ALMS1: variants seen among roughly 807,000 people sequenced by gnomAD.
ALMS1 encodes the protein centrosome-associated protein ALMS1.
A neutral mutation model predicts 352.2 loss-of-function variants in ALMS1; 271 were observed. That is an observed-to-expected ratio of 0.77 (90% CI 0.70 to 0.85). The LOEUF (loss-of-function observed/expected upper bound fraction) is 0.85, where lower values mean the gene tolerates loss of function less well. Ranked by LOEUF, ALMS1 falls within the 40% of genes least tolerant of loss-of-function variation. ALMS1 has a pLI of 0.00. For missense variants in ALMS1, 5,445 were observed against 4,870.7 expected, an observed-to-expected ratio of 1.12 and a Z score of -3.51; for synonymous variants, 1,865 against 1,761.2, an observed-to-expected ratio of 1.06 and a Z score of -1.48.
At chr2:73,479,571 T>C (rs1207744244) in intron 9 of ALMS1, among the ~76,000 whole-genome samples, 1 of 152,202 alleles carries the variant, frequency 6.6e-6, no homozygotes, top group Non-Finnish European at 1.5e-5. Context: ...TCTTTTTTAT[T>C]GATGTATAGT....
At chr2:73,528,662 T>G (rs1158724742) in intron 11 of ALMS1, among the ~76,000 whole-genome samples, 5 of 150,172 alleles carry the variant, frequency 3.3e-5, no homozygotes, top group Non-Finnish European at 7.4e-5. Context: ...TTGGGTCTTG[T>G]TTTTTTTTGC....
chr2:73,458,564 G>C (rs1161222070), intron 9 of ALMS1: 1 of 152,198 alleles, frequency 6.6e-6, no homozygotes, highest in Non-Finnish European at 1.5e-5. Context: ...ATAAGAGCCA[G>C]GGAGACAAAG....
intron 10 of ALMS1, among the ~76,000 whole-genome samples, chr2:73,500,671 G>A (rs1673200705): frequency 6.6e-6 from 1 of 152,076 alleles, no homozygotes; most frequent in African/African-American, 2.4e-5. Flanking sequence ...AGAAGGCTTC[G>A]CTGTGAAGTC....
chr2:73,422,790 T>C, intron 3 of ALMS1, 67 bp from the exon 4 acceptor site: 5 of 1,280,664 alleles, frequency 3.9e-6, no homozygotes, highest in Non-Finnish European at 4.5e-6. Flanking sequence ...TGCTTTAAAG[T>C]ATTATATACG....
Position 73,523,135 on chromosome 2 carries a change from A to G in ALMS1, c.9781+3119A>G, listed in dbSNP as rs996001862. 6.6e-5 allele frequency among the ~76,000 whole-genome samples: 10 copies of G among 152,230 alleles called. No homozygotes were observed. In the East Asian group the frequency reaches 1.9e-3, roughly 29 times the overall value. On this transcript the variant is annotated intron_variant, in intron 11 of 22. Transcript: ENST00000613296. ...TTCTATCTGGTACTCGGTATAGGCA[A>G]GTACCATCTATGGTTCAGAGCATAT...
chr2:73,481,185 T>C (rs1672695280), intron 9 of ALMS1, among the ~76,000 whole-genome samples: 1 of 152,244 alleles, frequency 6.6e-6, no homozygotes, highest in Admixed American at 6.5e-5. Context: ...GCCTAGGTTT[T>C]CTTCTAGGGT....
chr2:73,541,419 AG>A (rs1458821724), intron 12 of ALMS1, among the ~76,000 whole-genome samples: 1 of 152,240 alleles, frequency 6.6e-6, no homozygotes, highest in African/African-American at 2.4e-5. Context: ...AAGAGAAAGC[AG>A]GAAAGATCGA....
chr2:73,450,963 G>T lies in ALMS1; in HGVS notation c.4436G>T (p.Gly1479Val). 6.2e-7 allele frequency: 1 copy of T among 1,613,804 alleles called. No homozygotes were observed. The highest frequency in any genetic ancestry group is 8.5e-7 in the Non-Finnish European group (1 of 1,179,932). The change falls in exon 8 of 23, where the codon GGA becomes GTA. Residue 1479 changes from glycine to valine, a missense_variant. Transcript: ENST00000613296. ...PTVTSPSSSF[G>V]EKPIVIYKQA... is the part of the protein sequence containing the mutation. ...GTAACCTCCCCTTCCAGCTCATTTG[G>T]AGAGAAGCCCATTGTTATCTACAAA... is the stretch of plus-strand genomic sequence containing the variant.
At chr2:73,428,640 TA>T in intron 6 of ALMS1, among the ~76,000 whole-genome samples, 2 of 152,358 alleles carry the variant, frequency 1.3e-5, no homozygotes, top group South Asian at 2.1e-4. Context: ...CTCCAAATTT[TA>T]ATCTGTCCTT....
chr2:73,559,379 A>C (rs1674611027), intron 15 of ALMS1, among the ~76,000 whole-genome samples: 1 of 152,146 alleles, frequency 6.6e-6, no homozygotes. Flanking sequence ...AGCAACTTAG[A>C]AACAGGATTA....
At chr2:73,532,819 A>G (rs1673949696) in intron 11 of ALMS1, among the ~76,000 whole-genome samples, 1 of 152,118 alleles carries the variant, frequency 6.6e-6, no homozygotes, top group Non-Finnish European at 1.5e-5. Flanking sequence ...CATAGCCACC[A>G]TAGCTGGGAA....
chr2:73,489,261 T>C (rs971487462), intron 9 of ALMS1, among the ~76,000 whole-genome samples: 1 of 152,224 alleles, frequency 6.6e-6, no homozygotes, highest in African/African-American at 2.4e-5. Flanking sequence ...TGGTTACAAC[T>C]AGCTGCAGAA....
chr2:73,433,663 G>C (rs189899840), intron 7 of ALMS1, among the ~76,000 whole-genome samples: 1 of 152,100 alleles, frequency 6.6e-6, no homozygotes, highest in Non-Finnish European at 1.5e-5. Flanking sequence ...GGGAGGCTGA[G>C]GTGGGAGGAT....
At position 73,573,430 on chromosome 2, in the gene ALMS1, T is replaced by C. The variant is rs1674988600; in HGVS notation, c.11547+6T>C. ...CCAGAAGGAGACACATCCAGGTACATGGCTACAGATTCCATCTGGCAATGT... is the reference window on the plus strand; with the variant it reads ...CCAGAAGGAGACACATCCAGGTACACGGCTACAGATTCCATCTGGCAATGT... On this transcript the variant is annotated splice_donor_region_variant and intron_variant, in intron 16 of 22. Transcript: ENST00000613296. 1 of 1,613,876 alleles carries C rather than the reference T, an allele frequency of 6.2e-7. No homozygotes were observed. Among genetic ancestry groups the C allele is most frequent in the Non-Finnish European group, 8.5e-7 (1 of 1,179,902 alleles).
chr2:73,413,884 C>T (rs1030863936), intron 2 of ALMS1, among the ~76,000 whole-genome samples: 10 of 152,016 alleles, frequency 6.6e-5, no homozygotes, highest in African/African-American at 2.4e-4. Flanking sequence ...CACACTATTC[C>T]ATTGATTTAC....
Position 73,452,154 on chromosome 2 carries a change from T to G in ALMS1, c.5627T>G (p.Ile1876Arg), listed in dbSNP as rs760975215. Residue 1876 changes from isoleucine to arginine, a missense_variant, in exon 8 of 23, where the codon ATA becomes AGA. Ile to Arg is a moderately conservative substitution (Grantham distance 97, BLOSUM62 -3). Coordinates refer to ENST00000613296, the MANE Select transcript of ALMS1 (RefSeq NM_001378454.1). ...CTTACTGAAGTAACTTTGAAAGCAA[T>G]AGGGGTTCCTGGGCCTGCTGACCAG... ...PDLTEVTLKA[I>R]GVPGPADQKT... is the part of the protein sequence containing the mutation. The G allele has an allele frequency of 1.2e-6, 2 of 1,608,092 alleles. No homozygotes were observed. The highest frequency in any genetic ancestry group is 1.3e-5 in the African/African-American group (1 of 74,342).
intron 10 of ALMS1, among the ~76,000 whole-genome samples, chr2:73,494,766 T>C (rs1200651516): frequency 1.3e-5 from 2 of 152,226 alleles, no homozygotes; most frequent in African/African-American, 2.4e-5. Flanking sequence ...ATCACTTGGC[T>C]AAAGTGGTAT....
chr2:73,594,417 G>T (rs750405306), intron 16 of ALMS1, among the ~76,000 whole-genome samples: 4 of 152,246 alleles, frequency 2.6e-5, no homozygotes, highest in Non-Finnish European at 2.9e-5. Flanking sequence ...ATATAATCCA[G>T]TGTAATTGTG....
At chr2:73,497,151 A>G (rs1673127363) in intron 10 of ALMS1, among the ~76,000 whole-genome samples, 1 of 152,140 alleles carries the variant, frequency 6.6e-6, no homozygotes, top group Non-Finnish European at 1.5e-5. Context: ...TTCCTTCTGG[A>G]TTCCATGGTT....
Sources: gnomAD v4.1 joint callset for allele counts (sites outside exome capture counted in the v4.1 genomes callset) on GRCh38, gnomAD v4.1.1 for gene constraint, MANE v1.5 for transcripts, NCBI Gene and HGNC (gene_info 2026-07-23, HGNC 2026-07-21) for gene names.